The following CTNNA3 variants were observed in gnomAD, a reference collection of about 807,000 sequenced individuals.
The protein encoded by CTNNA3 is catenin alpha 3.
A neutral mutation model predicts 95.7 loss-of-function variants in CTNNA3; 76 were observed. That is an observed-to-expected ratio of 0.79 (90% CI 0.66 to 0.96). CTNNA3 has a LOEUF of 0.96. Ranked by LOEUF, CTNNA3 falls within the 40% of genes least tolerant of loss-of-function variation. CTNNA3 has a pLI of 0.00. For synonymous variants in CTNNA3, 431 were observed against 374.4 expected (o/e 1.15, Z -1.74); for missense variants, 1,191 against 1,089.8 (o/e 1.09, Z -1.31).
At chr10:67,340,379 T>C (rs561321730) in intron 5 of CTNNA3, among the ~76,000 whole-genome samples, 2 of 152,356 alleles carry the variant, frequency 1.3e-5, no homozygotes, top group African/African-American at 2.4e-5. Context: ...TTATCTGGTC[T>C]TTCCTGAAGC....
At chr10:66,308,961 A>C (rs2091967741) in intron 12 of CTNNA3, among the ~76,000 whole-genome samples, 1 of 152,186 alleles carries the variant, frequency 6.6e-6, no homozygotes, top group Admixed American at 6.5e-5. Context: ...ATTATCTAAA[A>C]GTTAACTCAA....
At chr10:67,142,598 C>T (rs764989726) in intron 7 of CTNNA3, among the ~76,000 whole-genome samples, 6 of 152,026 alleles carry the variant, frequency 3.9e-5, no homozygotes, top group Admixed American at 6.6e-5. Context: ...ATTAAGTGTG[C>T]GGAGCATTAT....
At chr10:65,929,842 A>G (rs1286462558) in intron 17 of CTNNA3, among the ~76,000 whole-genome samples, 1 of 152,140 alleles carries the variant, frequency 6.6e-6, no homozygotes, top group Non-Finnish European at 1.5e-5. Context: ...GTTAGGATAC[A>G]GGTGTGAGCC....
At chr10:66,919,678 C>A (rs1194594532) in intron 7 of CTNNA3, among the ~76,000 whole-genome samples, 4 of 152,112 alleles carry the variant, frequency 2.6e-5, no homozygotes, top group Non-Finnish European at 2.9e-5. Flanking sequence ...TCACTCATAA[C>A]CATATGTGAC....
rs1335783897 is a variant in CTNNA3 at position 67,046,880 on chromosome 10, T to C, written c.1047+133437A>G. Among the ~76,000 whole-genome samples, 4 of 152,100 alleles carry C rather than the reference T, an allele frequency of 2.6e-5. No homozygotes were observed. The East Asian group carries it at 7.7e-4, about 29-fold the overall frequency. On this transcript the variant is annotated intron_variant, in intron 7 of 17. Coordinates refer to ENST00000433211, the MANE Select transcript of CTNNA3 (RefSeq NM_013266.4). ...TAGGAATTAAGGGTCCAAAGAAAATTTGGGCACTGCCTTCCTTTTACATTG... is the reference window on the plus strand; with the variant it reads ...TAGGAATTAAGGGTCCAAAGAAAATCTGGGCACTGCCTTCCTTTTACATTG...
chr10:67,567,384 T>A (rs1411729177), intron 3 of CTNNA3, among the ~76,000 whole-genome samples: 2 of 151,688 alleles, frequency 1.3e-5, no homozygotes, highest in African/African-American at 4.8e-5. Context: ...ATGCTAAAAA[T>A]TGTGTATAAA....
chr10:67,087,216 A>G (rs905236315), intron 7 of CTNNA3, among the ~76,000 whole-genome samples: 9 of 152,042 alleles, frequency 5.9e-5, no homozygotes, highest in Non-Finnish European at 8.8e-5. Context: ...ATCACTTTTC[A>G]TTGGCACTAC....
intron 13 of CTNNA3, among the ~76,000 whole-genome samples, chr10:66,196,083 C>T (rs548116665): frequency 6.6e-6 from 1 of 151,768 alleles, no homozygotes; most frequent in African/African-American, 2.4e-5. Flanking sequence ...CATAAAAATT[C>T]TATGTAGTTA....
At chr10:66,318,431 T>A (rs1373489558) in intron 12 of CTNNA3, among the ~76,000 whole-genome samples, 1 of 151,976 alleles carries the variant, frequency 6.6e-6, no homozygotes, top group African/African-American at 2.4e-5. Context: ...TGCACCTATC[T>A]TTCTTTGTAT....
At chr10:66,066,889 G>A (rs1474815672) in intron 15 of CTNNA3, among the ~76,000 whole-genome samples, 2 of 151,818 alleles carry the variant, frequency 1.3e-5, no homozygotes, top group Non-Finnish European at 2.9e-5. Context: ...TAAAAAACTT[G>A]ACTTTATTTT....
chr10:66,112,625 C>T (rs1286531540), intron 13 of CTNNA3, among the ~76,000 whole-genome samples: 1 of 151,952 alleles, frequency 6.6e-6, no homozygotes, highest in Admixed American at 6.6e-5. Flanking sequence ...GCAGCAACTC[C>T]TCATTTCCCC....
intron 7 of CTNNA3, among the ~76,000 whole-genome samples, chr10:66,923,508 T>A (rs1846899263): frequency 1.3e-5 from 2 of 152,222 alleles, no homozygotes; most frequent in African/African-American, 4.8e-5. Flanking sequence ...CTCATTAGTC[T>A]GTTTTTGAGA....
chr10:66,215,952 C>A (rs2088502967), intron 13 of CTNNA3, among the ~76,000 whole-genome samples: 1 of 152,190 alleles, frequency 6.6e-6, no homozygotes, highest in Admixed American at 6.5e-5. Context: ...AAGTAGAAAG[C>A]AAAGGAAGGC....
intron 10 of CTNNA3, among the ~76,000 whole-genome samples, chr10:66,615,239 T>C (rs778076980): frequency 6.6e-6 from 1 of 152,068 alleles, no homozygotes; most frequent in Non-Finnish European, 1.5e-5. Flanking sequence ...ATTTTTCATG[T>C]CATATGAATA....
At chr10:67,700,070 G>A (rs944484531), upstream of CTNNA3, among the ~76,000 whole-genome samples, 2 of 152,240 alleles carry the variant, frequency 1.3e-5, no homozygotes, top group African/African-American at 4.8e-5. Context: ...GAGGCTGGGG[G>A]AGGGGCGCCC....
At chr10:67,115,497 AAAAAT>A (rs918680742) in intron 7 of CTNNA3, among the ~76,000 whole-genome samples, 3 of 151,584 alleles carry the variant, frequency 2.0e-5, no homozygotes, top group Non-Finnish European at 2.9e-5. Context: ...ATAATAATAA[AAAAAT>A]AAAATAAAAT....
At chr10:66,643,111 C>T (rs1341909499) in intron 9 of CTNNA3, among the ~76,000 whole-genome samples, 1 of 152,076 alleles carries the variant, frequency 6.6e-6, no homozygotes, top group African/African-American at 2.4e-5. Flanking sequence ...CTCCAGCTAG[C>T]TAACAGAGAA....
At chr10:67,153,692 T>C (rs974771970) in intron 7 of CTNNA3, among the ~76,000 whole-genome samples, 1 of 152,206 alleles carries the variant, frequency 6.6e-6, no homozygotes, top group African/African-American at 2.4e-5. Context: ...CAAGAGGTGG[T>C]GGAGTAAAGT....
chr10:67,075,175 C>A (rs1856682701), intron 7 of CTNNA3, among the ~76,000 whole-genome samples: 1 of 151,864 alleles, frequency 6.6e-6, no homozygotes, highest in African/African-American at 2.4e-5. Flanking sequence ...TTTCTGCACA[C>A]ACACACACAC....
Sources: allele counts gnomAD v4.1 joint callset (sites outside exome capture counted in the v4.1 genomes callset), GRCh38; gene constraint gnomAD v4.1.1; transcripts MANE v1.5; gene names NCBI Gene and HGNC (gene_info 2026-07-23, HGNC 2026-07-21).